C8orf34: variants seen among roughly 807,000 people sequenced by gnomAD.
C8orf34 encodes chromosome 8 open reading frame 34, also known as uncharacterized protein C8orf34.
Under a neutral mutation model 68.3 loss-of-function variants are expected in C8orf34, and 65 were observed. The observed-to-expected ratio is 0.95, with a 90% CI of 0.78 to 1.17. C8orf34 has a LOEUF of 1.17. Among genes scored for constraint, C8orf34 ranks in the 50% most tolerant of loss-of-function variants. The pLI is 0.00. For missense variants in C8orf34, 664 were observed against 655.4 expected (o/e 1.01, Z -0.14); for synonymous variants, 244 against 241.2 (o/e 1.01, Z -0.11).
At chr8:68,360,516 C>T (rs1187328342) in intron 1 of C8orf34, among the ~76,000 whole-genome samples, 1 of 152,138 alleles carries the variant, frequency 6.6e-6, no homozygotes, top group Non-Finnish European at 1.5e-5. Context: ...TTAGTCCTGC[C>T]TCCAGACATC....
At chr8:68,587,084 G>A (rs576921928) in intron 7 of C8orf34, among the ~76,000 whole-genome samples, 1 of 152,188 alleles carries the variant, frequency 6.6e-6, no homozygotes, top group Non-Finnish European at 1.5e-5. Context: ...TGACAGGAAA[G>A]CTTAGTGATT....
chr8:68,716,890 G>A (rs1040144147), intron 9 of C8orf34, among the ~76,000 whole-genome samples: 1 of 151,720 alleles, frequency 6.6e-6, no homozygotes, highest in Non-Finnish European at 1.5e-5. Flanking sequence ...GTAGAAACCT[G>A]AATGCCTTTC....
At position 68,539,354 on chromosome 8, in the gene C8orf34, G is replaced by A. The variant is rs186205694; in HGVS notation, c.1105+6205G>A. Among the ~76,000 whole-genome samples, 6 of 152,116 alleles carry A rather than the reference G, an allele frequency of 3.9e-5. No individual in the cohort carries two copies. In the East Asian group the frequency reaches 7.7e-4, roughly 20 times the overall value. ...TCATAACTTTATTGTAGTTTTATTC[G>A]TGGTTGAAAATGTGCAAAGAAGTGT... On this transcript the variant is annotated intron_variant, in intron 7 of 13. Coordinates refer to ENST00000518698, the MANE Select transcript of C8orf34 (RefSeq NM_052958.4).
rs572682730 is a variant in C8orf34 at position 68,816,577 on chromosome 8, C to T, written c.1609+632C>T. ...TAATGCTAGCCTTTTCTCTGCAATA[C>T]CCCTACCAAATGGTCACCCAGACTC... On this transcript the variant is annotated intron_variant, in intron 13 of 13. Transcript: ENST00000518698. 9.2e-5 allele frequency among the ~76,000 whole-genome samples: 14 copies of T among 152,216 alleles called. 1 individual carries two copies. The highest frequency in any genetic ancestry group is 3.4e-4 in the African/African-American group (14 of 41,542).
At chr8:68,546,933 T>A (rs73268435) in intron 7 of C8orf34, among the ~76,000 whole-genome samples, 30,657 of 151,658 alleles carry the variant, frequency 0.2, 4,122 homozygotes, top group African/African-American at 0.38. Flanking sequence ...GCCAAAACAG[T>A]GGTTAATGAG....
chr8:68,770,806 C>T (rs1208819907), intron 10 of C8orf34, among the ~76,000 whole-genome samples: 1 of 152,214 alleles, frequency 6.6e-6, no homozygotes, highest in East Asian at 1.9e-4. Context: ...CACATAATTG[C>T]TCCTTCTCAT....
At chr8:68,402,319 A>G (rs1034957487) in intron 1 of C8orf34, among the ~76,000 whole-genome samples, 2 of 152,056 alleles carry the variant, frequency 1.3e-5, no homozygotes, top group Non-Finnish European at 2.9e-5. Flanking sequence ...TAGTCTGGCT[A>G]GCAGTTTGTC....
chr8:68,540,527 G>T (rs1414884766), intron 7 of C8orf34, among the ~76,000 whole-genome samples: 1 of 151,810 alleles, frequency 6.6e-6, no homozygotes, highest in Admixed American at 6.6e-5. Context: ...CAGACATTTT[G>T]AGAGGACTCT....
At chr8:68,724,906 G>C (rs1341131042) in intron 10 of C8orf34, among the ~76,000 whole-genome samples, 3 of 152,006 alleles carry the variant, frequency 2.0e-5, no homozygotes, top group African/African-American at 7.3e-5. Context: ...TGTTGCCCAG[G>C]CTGAATTCAG....
intron 10 of C8orf34, among the ~76,000 whole-genome samples, chr8:68,754,433 C>T (rs894604807): frequency 2.6e-5 from 4 of 152,122 alleles, no homozygotes; most frequent in African/African-American, 7.2e-5. Flanking sequence ...CATTCCTTTT[C>T]GATGTAAACA....
chr8:68,582,106 C>A (rs1477168969), intron 7 of C8orf34, among the ~76,000 whole-genome samples: 1 of 152,138 alleles, frequency 6.6e-6, no homozygotes, highest in African/African-American at 2.4e-5. Flanking sequence ...AAAGGCATAT[C>A]TTACTTAATC....
chr8:68,355,738 G>A (rs771660629), intron 1 of C8orf34, among the ~76,000 whole-genome samples: 5 of 152,148 alleles, frequency 3.3e-5, no homozygotes, highest in African/African-American at 9.7e-5. Flanking sequence ...GTCTGTGTTC[G>A]TCAGTGGGAG....
intron 5 of C8orf34, among the ~76,000 whole-genome samples, chr8:68,498,572 CT>C (rs1256920429): frequency 2.0e-5 from 3 of 151,978 alleles, no homozygotes; most frequent in African/African-American, 7.3e-5. Flanking sequence ...AATGATAGTG[CT>C]GATATAATTA....
intron 12 of C8orf34, among the ~76,000 whole-genome samples, chr8:68,803,261 T>G (rs563631914): frequency 1.3e-5 from 2 of 151,320 alleles, no homozygotes; most frequent in South Asian, 4.2e-4. Flanking sequence ...TCTAAACAAA[T>G]TGGTACTAAA....
chr8:68,570,205 G>A (rs1034299997), intron 7 of C8orf34, among the ~76,000 whole-genome samples: 4 of 152,162 alleles, frequency 2.6e-5, no homozygotes, highest in African/African-American at 4.8e-5. Flanking sequence ...ATCTGAAGCC[G>A]AATCTGGATT....
chr8:68,774,325 G>A (rs1823438991), intron 10 of C8orf34, among the ~76,000 whole-genome samples: 1 of 39,224 alleles, frequency 2.5e-5, no homozygotes, highest in African/African-American at 2.7e-4. Context: ...AAATATGGGT[G>A]TGTGTGTATA....
At chr8:68,800,500 A>T (rs1824300409) in intron 12 of C8orf34, among the ~76,000 whole-genome samples, 1 of 152,206 alleles carries the variant, frequency 6.6e-6, no homozygotes. Flanking sequence ...TTTACTGAGT[A>T]TAGTTATTAA....
At chr8:68,553,676 G>T (rs147213311) in intron 7 of C8orf34, among the ~76,000 whole-genome samples, 1 of 151,676 alleles carries the variant, frequency 6.6e-6, no homozygotes, top group Non-Finnish European at 1.5e-5. Flanking sequence ...TTTTATATCC[G>T]TATGGTCAGT....
intron 9 of C8orf34, among the ~76,000 whole-genome samples, chr8:68,719,276 CA>C (rs1221801455): frequency 6.6e-6 from 1 of 151,994 alleles, no homozygotes; most frequent in Admixed American, 6.6e-5. Context: ...TGTAAACTCT[CA>C]AATGTTCTGG....
Sources: gnomAD v4.1 joint callset for allele counts (sites outside exome capture counted in the v4.1 genomes callset) on GRCh38, gnomAD v4.1.1 for gene constraint, MANE v1.5 for transcripts, NCBI Gene and HGNC (gene_info 2026-07-23, HGNC 2026-07-21) for gene names.